Variants in TLE1 observed in about 807,000 individuals in gnomAD.
TLE1 encodes transducin-like enhancer protein 1.
A neutral mutation model predicts 89.8 loss-of-function variants in TLE1; 21 were observed. The observed-to-expected ratio is 0.23, with a 90% CI of 0.17 to 0.34. The LOEUF (loss-of-function observed/expected upper bound fraction) is 0.34. Among genes scored for constraint, TLE1 ranks in the 10% least tolerant of loss-of-function variants. The pLI, the probability that TLE1 is intolerant of heterozygous loss-of-function variation, is 1.00. For synonymous variants in TLE1, 447 were observed against 407.6 expected (o/e 1.10, Z -1.16); for missense variants, 795 against 1,031.2 (o/e 0.77, Z 3.14).
intron 4 of TLE1, among the ~76,000 whole-genome samples, chr9:81,663,514 C>T (rs1367636414): frequency 1.3e-5 from 2 of 152,118 alleles, no homozygotes; most frequent in African/African-American, 2.4e-5. Flanking sequence ...AGGACAAGTC[C>T]GCATGATCCC....
rs35060460 is a variant in TLE1, at chr9:81,675,698, G to GTTTTTTTTTTTTTTTTTTTTTTTTTTT, written c.234+9977_234+9978insAAAAAAAAAAAAAAAAAAAAAAAAAAA. 6.6e-4 allele frequency among the ~76,000 whole-genome samples: 86 copies of GTTTTTTTTTTTTTTTTTTTTTTTTTTT among 129,624 alleles called. 13 individuals are homozygous for GTTTTTTTTTTTTTTTTTTTTTTTTTTT. The highest frequency in any genetic ancestry group is 2.7e-3 in the South Asian group (11 of 4,130). 85.0% of individuals were successfully genotyped at this position (129,624 alleles called of 152,430 possible). A position where few individuals can be genotyped will look rare whatever the true frequency, so the allele number is the denominator to read the frequency against. ...AATTTTAGCATAAGGACTCACACTA[G>GTTTTTTTTTTTTTTTTTTTTTTTTTTT]TTTTTTTTTGTTTTTTTTTTTGAGA... On this transcript the variant is annotated intron_variant, in intron 4 of 19. Coordinates refer to ENST00000376499, the MANE Select transcript of TLE1 (RefSeq NM_005077.5).
chr9:81,587,747 G>C lies in TLE1; in HGVS notation c.1911C>G (p.Asp637Glu), dbSNP rs1027402011. The C allele has an allele frequency of 6.2e-7, 1 of 1,614,016 alleles. No individual in the cohort carries two copies. The highest frequency in any genetic ancestry group is 1.3e-5 in the African/African-American group (1 of 74,912). Reference sequence around the variant, plus strand: ...GCAGGTCCCAGGACCTGACTGTGTTGTCCAAACCACCCGTCCAGAGCTTGG... The same window carrying C: ...GCAGGTCCCAGGACCTGACTGTGTTCTCCAAACCACCCGTCCAGAGCTTGG... ...DGTKLWTGGL[D>E]NTVRSWDLRE... Residue 637 changes from aspartate (D) to glutamate (E), a missense_variant, in exon 17 of 20, where the codon GAC (aspartate) becomes GAG (glutamate). By Grantham distance (45) the Asp-to-Glu change is conservative. Transcript: ENST00000376499.
chr9:81,651,526 C>A (rs1442889656), intron 6 of TLE1, among the ~76,000 whole-genome samples: 2 of 152,138 alleles, frequency 1.3e-5, no homozygotes, highest in Non-Finnish European at 2.9e-5. Context: ...ACAATTCTTC[C>A]ATGGCAAGAG....
intron 17 of TLE1, among the ~76,000 whole-genome samples, 176 bp from the exon 18 acceptor site, chr9:81,585,831 T>G (rs1236356528): frequency 6.6e-6 from 1 of 152,146 alleles, no homozygotes; most frequent in African/African-American, 2.4e-5. Flanking sequence ...TGTCAAAACC[T>G]TTAGGAAACT....
At chr9:81,621,243 T>G (rs1191978970) in intron 8 of TLE1, among the ~76,000 whole-genome samples, 1 of 152,220 alleles carries the variant, frequency 6.6e-6, no homozygotes, top group Non-Finnish European at 1.5e-5. Context: ...CAGGATACTT[T>G]CATTCGCATA....
At chr9:81,612,208 C>T (rs543438770) in intron 12 of TLE1, 4 of 817,010 alleles carry the variant, frequency 4.9e-6, no homozygotes, top group Non-Finnish European at 6.5e-6. Context: ...GTGTAAATGG[C>T]AGCACCAGGA....
chr9:81,595,646 A>G (rs549070404), intron 14 of TLE1, among the ~76,000 whole-genome samples: 66 of 152,022 alleles, frequency 4.3e-4, no homozygotes, highest in Non-Finnish European at 7.8e-4. Context: ...GTGAAACCCC[A>G]TCTCTACTAA....
chr9:81,660,035 T>C (rs1470787534), intron 4 of TLE1, among the ~76,000 whole-genome samples: 1 of 152,190 alleles, frequency 6.6e-6, no homozygotes, highest in African/African-American at 2.4e-5. Flanking sequence ...ACTAAACCTA[T>C]GTGCTTAAAA....
chr9:81,646,175 G>A (rs1458312116), intron 6 of TLE1, among the ~76,000 whole-genome samples: 1 of 152,154 alleles, frequency 6.6e-6, no homozygotes, highest in African/African-American at 2.4e-5. Flanking sequence ...AAAAGTAAAT[G>A]CTTCAACACT....
intron 18 of TLE1, among the ~76,000 whole-genome samples, 159 bp downstream of exon 18, chr9:81,585,346 C>T (rs934013382): frequency 1.3e-5 from 2 of 152,220 alleles, no homozygotes; most frequent in South Asian, 2.1e-4. Context: ...CTGAAACAGA[C>T]ATTGCTGTGC....
chr9:81,603,358 C>T (rs758131644), intron 14 of TLE1, among the ~76,000 whole-genome samples: 6 of 152,234 alleles, frequency 3.9e-5, no homozygotes, highest in Non-Finnish European at 8.8e-5. Flanking sequence ...TATGCCACAC[C>T]AAATATGCCC....
intron 1 of TLE1, 113 bp downstream of exon 1, chr9:81,688,104 C>T (rs186682379): frequency 7.7e-4 from 1,076 of 1,395,676 alleles, no homozygotes; most frequent in Middle Eastern, 1.4e-3. Flanking sequence ...AGCCTTACAC[C>T]GCTGAGGGCG....
At chr9:81,624,996 G>A (rs1209517637) in intron 8 of TLE1, among the ~76,000 whole-genome samples, 2 of 152,140 alleles carry the variant, frequency 1.3e-5, no homozygotes, top group African/African-American at 4.8e-5. Flanking sequence ...CATAAAGGGA[G>A]AAGCATATCT....
At chr9:81,605,936 CAACCCCATCA>C (rs1374652328) in intron 14 of TLE1, among the ~76,000 whole-genome samples, 3 of 151,900 alleles carry the variant, frequency 2.0e-5, no homozygotes, top group African/African-American at 7.2e-5. Flanking sequence ...AAGAAAAAAA[CAACCCCATCA>C]AAAAGTGGGC....
chr9:81,621,435 T>C (rs902640005), intron 8 of TLE1, among the ~76,000 whole-genome samples: 3 of 152,180 alleles, frequency 2.0e-5, no homozygotes, highest in African/African-American at 7.2e-5. Flanking sequence ...TTCAGTGATG[T>C]GTTACTGCCC....
intron 4 of TLE1, among the ~76,000 whole-genome samples, chr9:81,684,809 A>T (rs1022737674): frequency 5.3e-5 from 8 of 151,514 alleles, no homozygotes; most frequent in Admixed American, 2.0e-4. Flanking sequence ...AGTGAATGTC[A>T]GCGTATCTCC....
intron 8 of TLE1, among the ~76,000 whole-genome samples, chr9:81,622,054 C>G (rs1002970217): frequency 6.6e-6 from 1 of 152,196 alleles, no homozygotes; most frequent in Non-Finnish European, 1.5e-5. Flanking sequence ...TACATGTCCG[C>G]TAAAAGCTAA....
chr9:81,597,276 G>A (rs906948619), intron 14 of TLE1, among the ~76,000 whole-genome samples: 21 of 150,240 alleles, frequency 1.4e-4, no homozygotes, highest in African/African-American at 3.2e-4. Context: ...GCACCACCAC[G>A]ACTTAAAAAA....
intron 8 of TLE1, among the ~76,000 whole-genome samples, chr9:81,627,462 A>G (rs1211902637): frequency 6.6e-6 from 1 of 152,180 alleles, no homozygotes; most frequent in African/African-American, 2.4e-5. Context: ...TACCTGGTAC[A>G]GGCTCCTGAC....
Sources: gnomAD v4.1 joint callset for allele counts (sites outside exome capture counted in the v4.1 genomes callset) on GRCh38, gnomAD v4.1.1 for gene constraint, MANE v1.5 for transcripts, NCBI Gene and HGNC (gene_info 2026-07-23, HGNC 2026-07-21) for gene names.